Variants in HDAC9 observed in about 807,000 individuals in gnomAD.
HDAC9 encodes the protein histone deacetylase 9.
HDAC9 carries 41 observed loss-of-function variants against 139.4 expected under a neutral mutation model. The observed-to-expected ratio is 0.29, with a 90% CI of 0.23 to 0.38. HDAC9 has a LOEUF of 0.38. HDAC9 is among the 10% of genes least tolerant of loss of function. The pLI, the probability that HDAC9 is intolerant of heterozygous loss-of-function variation, is 1.00. For missense variants in HDAC9, 1,147 were observed against 1,297.0 expected, an observed-to-expected ratio of 0.88 and a Z score of 1.78; for synonymous variants, 517 against 476.2, an observed-to-expected ratio of 1.09 and a Z score of -1.12.
At chr7:18,186,816 G>A (rs1042946926) in intron 2 of HDAC9, among the ~76,000 whole-genome samples, 8 of 152,156 alleles carry the variant, frequency 5.3e-5, no homozygotes, top group Non-Finnish European at 1.0e-4. Flanking sequence ...GCATAAGGTG[G>A]TTTTGAAAAC....
chr7:18,977,854 C>A (rs1305958203), intron 25 of HDAC9, among the ~76,000 whole-genome samples: 1 of 150,884 alleles, frequency 6.6e-6, no homozygotes, highest in Non-Finnish European at 1.5e-5. Flanking sequence ...AAGAAGAATT[C>A]TTCTAGAACT....
chr7:18,799,580 G>A (rs1262946457), intron 17 of HDAC9, among the ~76,000 whole-genome samples: 3 of 152,138 alleles, frequency 2.0e-5, no homozygotes, highest in Non-Finnish European at 2.9e-5. Context: ...TAAAGACACA[G>A]ACATTGTTAA....
chr7:18,349,182 G>A (rs970974814), intron 1 of HDAC9, among the ~76,000 whole-genome samples: 4 of 151,934 alleles, frequency 2.6e-5, no homozygotes, highest in Admixed American at 1.3e-4. Context: ...TGTCTTTCAT[G>A]TTCTAAGGCT....
intron 9 of HDAC9, among the ~76,000 whole-genome samples, chr7:18,647,163 G>A (rs1345621154): frequency 6.6e-6 from 1 of 151,996 alleles, no homozygotes. Flanking sequence ...TATAGTCTTT[G>A]AATAAATTTT....
intron 2 of HDAC9, among the ~76,000 whole-genome samples, chr7:18,243,169 A>G (rs372381521): frequency 6.6e-6 from 1 of 152,126 alleles, no homozygotes; most frequent in African/African-American, 2.4e-5. Context: ...GATTTTCTGT[A>G]TTACTAGTGT....
intron 25 of HDAC9, among the ~76,000 whole-genome samples, chr7:18,980,715 C>CTCTTATTCTTCCT (rs1784862040): frequency 7.5e-6 from 1 of 133,466 alleles, no homozygotes; most frequent in Admixed American, 8.0e-5. Flanking sequence ...TTCCTTCTTC[C>CTCTTATTCTTCCT]TCTTCTTCTT....
At chr7:18,836,071 G>A (rs1272108208) in intron 21 of HDAC9, 74 bp downstream of exon 21, 3 of 776,070 alleles carry the variant, frequency 3.9e-6, no homozygotes, top group East Asian at 2.7e-5. Context: ...AAATATGGAA[G>A]AGAAATGTAA....
chr7:18,564,954 A>G (rs1449561606), intron 2 of HDAC9, among the ~76,000 whole-genome samples: 1 of 143,382 alleles, frequency 7.0e-6, no homozygotes, highest in Non-Finnish European at 1.5e-5. Context: ...CATCAAATAA[A>G]TGTATTTTAT....
intron 2 of HDAC9, among the ~76,000 whole-genome samples, chr7:18,514,746 C>G (rs561490938): frequency 6.6e-6 from 1 of 152,102 alleles, no homozygotes; most frequent in African/African-American, 2.4e-5. Flanking sequence ...TTGAGACTAT[C>G]CAGGGCAACA....
intron 6 of HDAC9, among the ~76,000 whole-genome samples, chr7:18,622,693 A>T (rs1840547110): frequency 6.6e-6 from 1 of 152,104 alleles, no homozygotes; most frequent in African/African-American, 2.4e-5. Flanking sequence ...GAAATATGTT[A>T]AAATATTTAT....
intron 22 of HDAC9, among the ~76,000 whole-genome samples, chr7:18,918,810 C>T (rs941237568): frequency 2.0e-5 from 3 of 151,942 alleles, no homozygotes; most frequent in East Asian, 1.9e-4. Flanking sequence ...TAAATGATTA[C>T]GGTGGAATTA....
chr7:18,097,998 T>C (rs1253888798), intron 1 of HDAC9, among the ~76,000 whole-genome samples: 2 of 152,216 alleles, frequency 1.3e-5, no homozygotes, highest in African/African-American at 4.8e-5. Flanking sequence ...ATCTGAAAAA[T>C]GTCTGAATAT....
chr7:18,908,536 T>G (rs1464543960), intron 22 of HDAC9, among the ~76,000 whole-genome samples: 1 of 152,178 alleles, frequency 6.6e-6, no homozygotes, highest in South Asian at 2.1e-4. Context: ...CCTTTTCCTA[T>G]TTCTCCCTCT....
At chr7:18,446,432 A>G (rs1454697526) in intron 1 of HDAC9, among the ~76,000 whole-genome samples, 1 of 152,166 alleles carries the variant, frequency 6.6e-6, no homozygotes, top group Non-Finnish European at 1.5e-5. Flanking sequence ...GAAAACTGGG[A>G]AAGGTTTAGG....
chr7:18,686,238 TG>T (rs1782260330), intron 12 of HDAC9, among the ~76,000 whole-genome samples: 1 of 152,012 alleles, frequency 6.6e-6, no homozygotes, highest in South Asian at 2.1e-4. Context: ...AAAAGCCATT[TG>T]CTACTATGCT....
chr7:18,885,457 A>C lies in HDAC9; in HGVS notation c.2803+10861A>C, dbSNP rs1261095095. On this transcript the variant is annotated intron_variant, in intron 22 of 25. Transcript: ENST00000686413. ...CATAGTACCTTTGTGTATTTTTTGT[A>C]TTAATATCATTTTTTAAGATGTTCT... is the stretch of plus-strand genomic sequence containing the variant. Among the ~76,000 whole-genome samples, 2 of 152,140 alleles carry C rather than the reference A, an allele frequency of 1.3e-5. 1 individual carries two copies. Among genetic ancestry groups the C allele is most frequent in the Admixed American group, 1.3e-4 (2 of 15,278 alleles).
At chr7:18,388,337 C>A (rs757204177) in intron 1 of HDAC9, among the ~76,000 whole-genome samples, 18 of 152,292 alleles carry the variant, frequency 1.2e-4, no homozygotes, top group Non-Finnish European at 2.4e-4. Context: ...GGGAAGGTGT[C>A]CACAGTGAGG....
intron 2 of HDAC9, among the ~76,000 whole-genome samples, chr7:18,221,519 C>CT (rs1240312327): frequency 6.6e-6 from 1 of 152,126 alleles, no homozygotes; most frequent in Non-Finnish European, 1.5e-5. Context: ...CCCATTTAGT[C>CT]TTTACAGTAT....
intron 2 of HDAC9, among the ~76,000 whole-genome samples, chr7:18,262,475 G>C (rs1795743495): frequency 6.6e-6 from 1 of 152,108 alleles, no homozygotes; most frequent in Non-Finnish European, 1.5e-5. Flanking sequence ...TGTTCTACAA[G>C]AAATACCAAT....
Sources: gnomAD v4.1 joint callset for allele counts (sites outside exome capture counted in the v4.1 genomes callset) on GRCh38, gnomAD v4.1.1 for gene constraint, MANE v1.5 for transcripts, NCBI Gene and HGNC (gene_info 2026-07-23, HGNC 2026-07-21) for gene names.